The following FRMD5 variants were observed in gnomAD, a reference collection of about 807,000 sequenced individuals.
FRMD5 encodes FERM domain containing 5.
In FRMD5, 20 loss-of-function variants were observed where a neutral mutation model predicts 69.0. The ratio of observed to expected loss-of-function variants is 0.29; its 90% CI spans 0.20 to 0.42. The LOEUF (loss-of-function observed/expected upper bound fraction) is 0.42, where lower values mean the gene tolerates loss of function less well. Ranked by LOEUF, FRMD5 falls within the 10% of genes least tolerant of loss-of-function variation. FRMD5 has a pLI of 1.00. For missense variants in FRMD5, 595 were observed against 708.6 expected (o/e 0.84, Z 1.82); for synonymous variants, 271 against 260.1 (o/e 1.04, Z -0.40).
At chr15:44,123,063 G>T (rs932327332) in intron 1 of FRMD5, among the ~76,000 whole-genome samples, 2 of 152,038 alleles carry the variant, frequency 1.3e-5, no homozygotes, top group African/African-American at 2.4e-5. Context: ...TGATATGGCA[G>T]GCCTGGCACA....
intron 13 of FRMD5, 108 bp downstream of exon 13, chr15:43,883,595 T>C: frequency 1.3e-6 from 1 of 775,998 alleles, no homozygotes; most frequent in Non-Finnish European, 2.1e-6. Flanking sequence ...TGGAGGCCCT[T>C]TTCCCCAAGA....
At chr15:43,921,916 G>C (rs1319632322) in intron 2 of FRMD5, among the ~76,000 whole-genome samples, 1 of 152,206 alleles carries the variant, frequency 6.6e-6, no homozygotes, top group Non-Finnish European at 1.5e-5. Flanking sequence ...ACTGACATCG[G>C]ATGGATGTAA....
chr15:44,154,668 C>A (rs2077499576), intron 1 of FRMD5, among the ~76,000 whole-genome samples: 1 of 152,218 alleles, frequency 6.6e-6, no homozygotes, highest in South Asian at 2.1e-4. Flanking sequence ...ACTATTATAT[C>A]TGCACAGTCA....
chr15:44,123,299 C>T (rs575917110), intron 1 of FRMD5, among the ~76,000 whole-genome samples: 4 of 151,588 alleles, frequency 2.6e-5, no homozygotes, highest in East Asian at 3.9e-4. Flanking sequence ...GAGCTGAGAT[C>T]GCGCCATTGC....
chr15:44,088,963 T>C (rs957315295), intron 1 of FRMD5, among the ~76,000 whole-genome samples: 1 of 152,232 alleles, frequency 6.6e-6, no homozygotes, highest in African/African-American at 2.4e-5. Context: ...CAAAGTGGCT[T>C]ATTCTTCAAG....
intron 1 of FRMD5, among the ~76,000 whole-genome samples, chr15:44,123,306 T>C (rs778338331): frequency 6.6e-6 from 1 of 151,322 alleles, no homozygotes; most frequent in Non-Finnish European, 1.5e-5. Context: ...GATCGCGCCA[T>C]TGCACTCCAG....
chr15:44,162,867 C>CA (rs371915126), intron 1 of FRMD5, among the ~76,000 whole-genome samples: 2,947 of 36,880 alleles, frequency 0.08, 207 homozygotes, highest in African/African-American at 0.18. Flanking sequence ...AACTCCGTCT[C>CA]AAAAAAAAAA....
chr15:43,931,415 AC>A (rs2089673478), intron 1 of FRMD5, among the ~76,000 whole-genome samples: 2 of 150,772 alleles, frequency 1.3e-5, no homozygotes, highest in Admixed American at 1.3e-4. Context: ...TCACACTTAT[AC>A]CCCCCGATCC....
intron 1 of FRMD5, among the ~76,000 whole-genome samples, chr15:43,938,414 C>G (rs942636428): frequency 6.6e-6 from 1 of 152,182 alleles, no homozygotes; most frequent in East Asian, 1.9e-4. Context: ...CTCAAATCCA[C>G]GCTGCCTTGC....
At chr15:44,026,895 C>T (rs898427470) in intron 1 of FRMD5, among the ~76,000 whole-genome samples, 2 of 152,224 alleles carry the variant, frequency 1.3e-5, no homozygotes, top group Non-Finnish European at 2.9e-5. Context: ...TCTTCATTGT[C>T]TACCAGTTCT....
At chr15:43,983,967 T>A (rs2090586414) in intron 1 of FRMD5, among the ~76,000 whole-genome samples, 1 of 152,244 alleles carries the variant, frequency 6.6e-6, no homozygotes, top group Admixed American at 6.5e-5. Context: ...TTAAAATGGC[T>A]ACAAGACACA....
At chr15:44,020,416 T>C (rs1362939113) in intron 1 of FRMD5, among the ~76,000 whole-genome samples, 1 of 152,190 alleles carries the variant, frequency 6.6e-6, no homozygotes, top group Admixed American at 6.5e-5. Context: ...TAGGCACTTT[T>C]CTAGGTGCCA....
intron 1 of FRMD5, among the ~76,000 whole-genome samples, chr15:43,976,978 A>G (rs1321361202): frequency 6.6e-6 from 1 of 151,960 alleles, no homozygotes; most frequent in Non-Finnish European, 1.5e-5. Context: ...TTACAGGTGC[A>G]TGCCACCACA....
At chr15:44,098,090 C>T (rs1199070167) in intron 1 of FRMD5, among the ~76,000 whole-genome samples, 2 of 140,238 alleles carry the variant, frequency 1.4e-5, no homozygotes. Flanking sequence ...TAATGCCATG[C>T]TCCCAAAAGT....
intron 1 of FRMD5, among the ~76,000 whole-genome samples, chr15:43,925,930 C>CACTTATACCAATCT (rs1381848709): frequency 6.6e-6 from 1 of 152,202 alleles, no homozygotes; most frequent in Non-Finnish European, 1.5e-5. Context: ...TCCTTCATAG[C>CACTTATACCAATCT]ACTTATACCA....
chr15:43,875,390 A>ATATATATATATATATATATATGTATG (rs1385798025), intron 13 of FRMD5, among the ~76,000 whole-genome samples: 1 of 124,834 alleles, frequency 8.0e-6, no homozygotes, highest in African/African-American at 3.4e-5. Context: ...ATATATATAT[A>ATATATATATATATATATATATGTATG]TATGTATGTA....
At chr15:44,145,990 T>C (rs570602694) in intron 1 of FRMD5, among the ~76,000 whole-genome samples, 3 of 152,328 alleles carry the variant, frequency 2.0e-5, no homozygotes, top group Admixed American at 6.5e-5. Context: ...GAGAATGGAA[T>C]TGAACTTTCA....
At chr15:43,985,313 G>A (rs909842586) in intron 1 of FRMD5, among the ~76,000 whole-genome samples, 6 of 149,758 alleles carry the variant, frequency 4.0e-5, no homozygotes, top group East Asian at 2.0e-4. Flanking sequence ...AAGATTGGGC[G>A]TTTGGAACCA....
intron 1 of FRMD5, among the ~76,000 whole-genome samples, chr15:44,067,061 G>T (rs1434849750): frequency 6.6e-6 from 1 of 152,032 alleles, no homozygotes; most frequent in Non-Finnish European, 1.5e-5. Flanking sequence ...CCAGGTGGAG[G>T]TATTCATTTT....
Sources: allele counts gnomAD v4.1 joint callset (sites outside exome capture counted in the v4.1 genomes callset), GRCh38; gene constraint gnomAD v4.1.1; transcripts MANE v1.5; gene names NCBI Gene and HGNC (gene_info 2026-07-23, HGNC 2026-07-21).